The following CCDC178 variants were observed in gnomAD, a reference collection of about 807,000 sequenced individuals.
CCDC178 encodes coiled-coil domain containing 178, also known as coiled-coil domain-containing protein 178.
A neutral mutation model predicts 117.4 loss-of-function variants in CCDC178; 126 were observed. The observed-to-expected ratio is 1.07, with a 90% confidence interval of 0.93 to 1.24. The LOEUF (loss-of-function observed/expected upper bound fraction) is 1.24, where lower values mean the gene tolerates loss of function less well. Among genes scored for constraint, CCDC178 ranks in the 50% most tolerant of loss-of-function variants. CCDC178 has a pLI of 0.00. For missense variants in CCDC178, 1,030 were observed against 986.9 expected (o/e 1.04, Z -0.59); for synonymous variants, 283 against 313.4 (o/e 0.90, Z 1.02).
intron 21 of CCDC178, among the ~76,000 whole-genome samples, chr18:33,054,882 C>T (rs964962037): frequency 4.6e-5 from 7 of 152,214 alleles, no homozygotes; most frequent in Non-Finnish European, 1.0e-4. Context: ...ATTTATACTC[C>T]TACCAACAGT....
intron 20 of CCDC178, among the ~76,000 whole-genome samples, chr18:33,139,782 T>A (rs1168462959): frequency 2.0e-5 from 3 of 152,126 alleles, no homozygotes; most frequent in South Asian, 2.1e-4. Context: ...CTGAGGAGAA[T>A]TTCAAGCCTG....
intron 12 of CCDC178, among the ~76,000 whole-genome samples, chr18:33,273,471 C>T (rs1028568959): frequency 5.3e-5 from 8 of 151,512 alleles, no homozygotes; most frequent in African/African-American, 1.9e-4. Flanking sequence ...CATTGATTTA[C>T]AAAACTCCAG....
At chr18:33,095,139 CT>C (rs897892932) in intron 20 of CCDC178, among the ~76,000 whole-genome samples, 4 of 151,706 alleles carry the variant, frequency 2.6e-5, no homozygotes, top group Admixed American at 6.6e-5. Context: ...TAGAATTCTT[CT>C]TTTTTTTCAC....
intron 21 of CCDC178, among the ~76,000 whole-genome samples, chr18:33,035,329 A>G (rs1382643837): frequency 6.6e-6 from 1 of 152,038 alleles, no homozygotes; most frequent in Non-Finnish European, 1.5e-5. Flanking sequence ...TTGGCCAAAC[A>G]GAAGGGAGAG....
rs763361946 is a variant in CCDC178, at chr18:33,293,114, CA to C, written c.1176+44del. 1.0e-5 allele frequency: 14 copies of C among 1,375,504 alleles called. No individual in the cohort carries two copies. The South Asian group carries it at 1.7e-4, about 17-fold the overall frequency. The allele number at this position is 1,375,504 out of a possible 1,614,324, so 85.2% of individuals were successfully genotyped here. On this transcript the variant is annotated intron_variant, in intron 12 of 22. Coordinates refer to ENST00000383096, the MANE Select transcript of CCDC178 (RefSeq NM_001105528.4). ...ACAAAAAAGTTTACTATTTATAACT[CA>C]AAACAAAAATCAGTATTTTTTATTT...
At chr18:33,054,013 G>C (rs2056787322) in intron 21 of CCDC178, among the ~76,000 whole-genome samples, 1 of 151,920 alleles carries the variant, frequency 6.6e-6, no homozygotes. Flanking sequence ...CATCATACCA[G>C]AATGTCCAAG....
intron 21 of CCDC178, among the ~76,000 whole-genome samples, chr18:32,995,171 C>T (rs940407052): frequency 1.3e-5 from 2 of 151,928 alleles, no homozygotes; most frequent in Non-Finnish European, 2.9e-5. Flanking sequence ...AATGCGATCG[C>T]TTATCAATGG....
At chr18:33,073,547 C>CTA (rs1225402686) in intron 21 of CCDC178, among the ~76,000 whole-genome samples, 10 of 121,584 alleles carry the variant, frequency 8.2e-5, no homozygotes, top group Admixed American at 4.2e-4. Context: ...ATCTATCTAT[C>CTA]TATCTATATA....
intron 20 of CCDC178, among the ~76,000 whole-genome samples, chr18:33,105,212 T>A (rs273028): frequency 0.14 from 21,674 of 151,616 alleles, 2,392 homozygotes; most frequent in African/African-American, 0.31. Flanking sequence ...TTAGCATTCT[T>A]GGAAAACTAC....
intron 21 of CCDC178, among the ~76,000 whole-genome samples, chr18:33,075,634 C>G (rs2057192253): frequency 6.6e-6 from 1 of 152,138 alleles, no homozygotes; most frequent in Non-Finnish European, 1.5e-5. Context: ...AATAACTTGA[C>G]TAGATACAAC....
intron 20 of CCDC178, among the ~76,000 whole-genome samples, chr18:33,172,143 C>CCA (rs1432184124): frequency 6.6e-6 from 1 of 152,172 alleles, no homozygotes; most frequent in East Asian, 1.9e-4. Flanking sequence ...GATCCACCTG[C>CCA]CTCGGCCTCC....
intron 19 of CCDC178, among the ~76,000 whole-genome samples, chr18:33,214,572 T>C (rs2059143624): frequency 6.6e-6 from 1 of 152,070 alleles, no homozygotes; most frequent in African/African-American, 2.4e-5. Flanking sequence ...TTTATATTTA[T>C]ATCTTTGAGT....
intron 20 of CCDC178, among the ~76,000 whole-genome samples, chr18:33,187,682 G>C (rs1484780708): frequency 6.6e-6 from 1 of 152,152 alleles, no homozygotes; most frequent in African/African-American, 2.4e-5. Context: ...AAATAAGGCT[G>C]GATCAGGCCA....
At chr18:32,979,006 C>T (rs1598749207) in intron 21 of CCDC178, among the ~76,000 whole-genome samples, 1 of 149,720 alleles carries the variant, frequency 6.7e-6, no homozygotes, top group East Asian at 2.0e-4. Flanking sequence ...CATTCCTCTC[C>T]AGCCTGGGAG....
At chr18:32,957,337 T>G (rs1396787554) in intron 22 of CCDC178, among the ~76,000 whole-genome samples, 1 of 152,228 alleles carries the variant, frequency 6.6e-6, no homozygotes, top group Admixed American at 6.6e-5. Context: ...GCTCACTGCA[T>G]TGCAGATGTT....
intron 11 of CCDC178, among the ~76,000 whole-genome samples, chr18:33,304,933 G>T (rs999105897): frequency 1.3e-5 from 2 of 152,122 alleles, no homozygotes; most frequent in African/African-American, 2.4e-5. Context: ...TGATTTTAAT[G>T]TTCAACCTCT....
chr18:33,329,453 A>G (rs1236509824), intron 10 of CCDC178, among the ~76,000 whole-genome samples: 1 of 152,140 alleles, frequency 6.6e-6, no homozygotes. Flanking sequence ...ATTCATAGTG[A>G]GCAAGTTTTC....
At chr18:33,366,632 G>A (rs577112280) in intron 6 of CCDC178, among the ~76,000 whole-genome samples, 57 of 152,094 alleles carry the variant, frequency 3.7e-4, no homozygotes, top group Admixed American at 3.5e-3. Flanking sequence ...ATACAAATCC[G>A]TGGTTTTTAA....
chr18:32,945,971 T>C (rs1038549229), intron 22 of CCDC178, among the ~76,000 whole-genome samples: 1 of 152,194 alleles, frequency 6.6e-6, no homozygotes. Flanking sequence ...TTTCTTTATG[T>C]TAAAAGCTTT....
Sources: gnomAD v4.1 joint callset for allele counts (sites outside exome capture counted in the v4.1 genomes callset) on GRCh38, gnomAD v4.1.1 for gene constraint, MANE v1.5 for transcripts, NCBI Gene and HGNC (gene_info 2026-07-23, HGNC 2026-07-21) for gene names.